CHST11: variants seen among roughly 807,000 people sequenced by gnomAD.
The protein encoded by CHST11 is C4S-1.
Under a neutral mutation model 30.4 loss-of-function variants are expected in CHST11, and 9 were observed. The ratio of observed to expected loss-of-function variants is 0.30; its 90% CI spans 0.18 to 0.52. The LOEUF is 0.52. Among genes scored for constraint, CHST11 ranks in the 20% least tolerant of loss-of-function variants. The pLI, the probability that CHST11 is intolerant of heterozygous loss-of-function variation, is 0.97. For missense variants in CHST11, 348 were observed against 460.6 expected, an observed-to-expected ratio of 0.76 and a Z score of 2.24; for synonymous variants, 152 against 187.8, an observed-to-expected ratio of 0.81 and a Z score of 1.56.
At chr12:104,525,637 A>G (rs1421465815) in intron 1 of CHST11, among the ~76,000 whole-genome samples, 2 of 152,228 alleles carry the variant, frequency 1.3e-5, no homozygotes, top group Non-Finnish European at 2.9e-5. Context: ...ATGAAGCGAG[A>G]GTAAAGATTT....
intron 2 of CHST11, among the ~76,000 whole-genome samples, chr12:104,700,971 G>T (rs1334551560): frequency 1.3e-5 from 2 of 152,174 alleles, no homozygotes; most frequent in Non-Finnish European, 2.9e-5. Context: ...AGCCAGGCAT[G>T]GTGGTGCACA....
At chr12:104,550,119 G>T (rs1250309999) in intron 1 of CHST11, among the ~76,000 whole-genome samples, 1 of 152,164 alleles carries the variant, frequency 6.6e-6, no homozygotes, top group Non-Finnish European at 1.5e-5. Context: ...GCTGTGCCGA[G>T]TTGATGTCCA....
chr12:104,594,554 A>G (rs11112127), intron 1 of CHST11, among the ~76,000 whole-genome samples: 2 of 151,954 alleles, frequency 1.3e-5, no homozygotes, highest in East Asian at 3.9e-4. Flanking sequence ...CTTCTCCCCC[A>G]TCCCCGCTTT....
chr12:104,720,000 C>T (rs1233056052), intron 2 of CHST11, among the ~76,000 whole-genome samples: 1 of 152,260 alleles, frequency 6.6e-6, no homozygotes, highest in African/African-American at 2.4e-5. Context: ...TCTCTCCAGA[C>T]TAACGCTGGT....
chr12:104,620,889 T>A (rs1440893817), intron 2 of CHST11, among the ~76,000 whole-genome samples: 1 of 152,170 alleles, frequency 6.6e-6, no homozygotes, highest in Non-Finnish European at 1.5e-5. Context: ...TGAGTCTCCT[T>A]CCCCAGGATA....
intron 1 of CHST11, among the ~76,000 whole-genome samples, chr12:104,475,688 A>ATATTTATT (rs1555226435): frequency 2.9e-4 from 23 of 78,400 alleles, no homozygotes; most frequent in Non-Finnish European, 5.2e-4. Flanking sequence ...ATATATATAT[A>ATATTTATT]TATTTCTGAT....
intron 1 of CHST11, among the ~76,000 whole-genome samples, chr12:104,503,270 C>T (rs1399382896): frequency 6.6e-6 from 1 of 152,192 alleles, no homozygotes; most frequent in Non-Finnish European, 1.5e-5. Context: ...GTGTTAGTTA[C>T]AAGAGAGAAG....
At chr12:104,563,959 G>A (rs560360114) in intron 1 of CHST11, among the ~76,000 whole-genome samples, 2 of 152,140 alleles carry the variant, frequency 1.3e-5, no homozygotes, top group East Asian at 3.9e-4. Context: ...AGTGGTTCTG[G>A]GGTCTGGCAC....
At chr12:104,699,074 A>G (rs1470773894) in intron 2 of CHST11, among the ~76,000 whole-genome samples, 1 of 152,232 alleles carries the variant, frequency 6.6e-6, no homozygotes, top group African/African-American at 2.4e-5. Context: ...GACTAGTTGC[A>G]TTAGAATCCC....
chr12:104,468,480 C>G lies in CHST11; in HGVS notation c.118+10951C>G, dbSNP rs56098048. The stretch of plus-strand genomic sequence containing the variant: ...ATAAAAACCAAACCCGGCTGTATGA[C>G]TTCATATCCGCTGCTCTGAACATCT... On this transcript the variant is annotated intron_variant, in intron 1 of 2. Coordinates refer to ENST00000303694, the MANE Select transcript of CHST11 (RefSeq NM_018413.6). Among the ~76,000 whole-genome samples, 139 of 152,322 alleles carry G rather than the reference C, an allele frequency of 9.1e-4. 1 individual carries two copies. The highest frequency in any genetic ancestry group is 3.2e-3 in the African/African-American group (135 of 41,578).
intron 1 of CHST11, among the ~76,000 whole-genome samples, chr12:104,568,419 C>G (rs112687903): frequency 0.032 from 4,838 of 152,228 alleles, 263 homozygotes; most frequent in African/African-American, 0.11. Flanking sequence ...ACTGCAGCAG[C>G]AAGTGTGGCT....
chr12:104,642,279 G>GA (rs1275051329), intron 2 of CHST11, among the ~76,000 whole-genome samples: 4 of 151,744 alleles, frequency 2.6e-5, no homozygotes, highest in Admixed American at 6.6e-5. Context: ...TCTCTAATAT[G>GA]AAAAAAAATG....
intron 2 of CHST11, among the ~76,000 whole-genome samples, chr12:104,627,175 C>T (rs1382322849): frequency 1.3e-5 from 2 of 152,056 alleles, no homozygotes; most frequent in Admixed American, 6.5e-5. Context: ...CTTGATGGCT[C>T]GTTTCTTTTT....
chr12:104,459,168 C>A (rs1411459977), intron 1 of CHST11, among the ~76,000 whole-genome samples: 1 of 152,182 alleles, frequency 6.6e-6, no homozygotes, highest in Non-Finnish European at 1.5e-5. Context: ...CCCAAACCTG[C>A]GGTTGTGAAA....
At chr12:104,681,890 GTGCGATCTCGGCTCCC>G (rs2039800027) in intron 2 of CHST11, among the ~76,000 whole-genome samples, 1 of 144,670 alleles carries the variant, frequency 6.9e-6, no homozygotes, top group South Asian at 2.2e-4. Context: ...GAGTGCAGTG[GTGCGATCTCGGCTCCC>G]TGCGAGCTCT....
chr12:104,531,818 A>C (rs1412977693), intron 1 of CHST11, among the ~76,000 whole-genome samples: 1 of 152,112 alleles, frequency 6.6e-6, no homozygotes, highest in African/African-American at 2.4e-5. Context: ...CCTTCTTCCC[A>C]TTACTGTCAA....
In CHST11 at chr12:104,598,761, C is replaced by G. The variant is rs2038930196; in HGVS notation, c.119-3145C>G. On this transcript the variant is annotated intron_variant, in intron 1 of 2. Coordinates refer to ENST00000303694, the MANE Select transcript of CHST11 (RefSeq NM_018413.6). The stretch of plus-strand genomic sequence containing the variant: ...CATCCTTCCACAGATCACTGGGCCC[C>G]TCCTGAGTCGTCTGGCTCCTTCTTT... Among the ~76,000 whole-genome samples, 3 of 152,208 alleles carry G rather than the reference C, an allele frequency of 2.0e-5. No homozygotes were observed. In the South Asian group the frequency reaches 6.2e-4, roughly 31 times the overall value.
intron 2 of CHST11, among the ~76,000 whole-genome samples, chr12:104,621,632 G>A (rs2039159519): frequency 1.3e-5 from 2 of 152,278 alleles, no homozygotes; most frequent in Admixed American, 6.5e-5. Flanking sequence ...TTGGAGTGAT[G>A]TGAGGAAGGG....
chr12:104,754,500 G>A (rs188454882), intron 2 of CHST11, among the ~76,000 whole-genome samples: 66 of 152,294 alleles, frequency 4.3e-4, no homozygotes, highest in Non-Finnish European at 8.4e-4. Flanking sequence ...TAGCATGACT[G>A]TCTCAGGGCA....
Sources: gnomAD v4.1 joint callset for allele counts (sites outside exome capture counted in the v4.1 genomes callset) on GRCh38, gnomAD v4.1.1 for gene constraint, MANE v1.5 for transcripts, NCBI Gene and HGNC (gene_info 2026-07-23, HGNC 2026-07-21) for gene names.